SLCO6A1: variants seen among roughly 807,000 people sequenced by gnomAD.
The protein encoded by SLCO6A1 is cancer/testis antigen 48.
In SLCO6A1, 65 loss-of-function variants were observed where a neutral mutation model predicts 72.7. The observed-to-expected ratio is 0.89, with a 90% CI of 0.73 to 1.10. The LOEUF is 1.10. Ranked by LOEUF, SLCO6A1 falls within the 50% of genes least tolerant of loss-of-function variation. The probability of loss-of-function intolerance (pLI) is 0.00; values close to 1 mark genes in which losing one functional copy is unlikely to be tolerated. For missense variants in SLCO6A1, 874 were observed against 872.6 expected (o/e 1.00, Z -0.02); for synonymous variants, 314 against 298.2 (o/e 1.05, Z -0.55).
At position 102,390,919 on chromosome 5, in the gene SLCO6A1, G is replaced by A. The variant is rs537588153; in HGVS notation, c.1879+62C>T. The A allele has an allele frequency of 5.4e-5, 72 of 1,323,732 alleles. No homozygotes were observed. In the African/African-American group the frequency reaches 8.9e-4, roughly 16 times the overall value. The allele number at this position is 1,323,732 out of a possible 1,614,324, so 82.0% of individuals were successfully genotyped here. On this transcript the variant is annotated intron_variant, in intron 11 of 13. Transcript: ENST00000506729. ...TTTATTTGTAATACTAAATACACAT[G>A]TAGACATATATACATATCAAAAAAC...
chr5:102,420,112 C>G (rs1748511863), intron 7 of SLCO6A1, 91 bp from the exon 8 acceptor site: 1 of 1,047,364 alleles, frequency 9.5e-7, no homozygotes, highest in Non-Finnish European at 1.3e-6. Flanking sequence ...TTGCTCTAAA[C>G]ATATAGCAAA....
chr5:102,451,548 A>T (rs1750419257), intron 6 of SLCO6A1, among the ~76,000 whole-genome samples: 1 of 152,126 alleles, frequency 6.6e-6, no homozygotes, highest in Non-Finnish European at 1.5e-5. Flanking sequence ...GCAGCTCTTC[A>T]TGTCATTCTG....
intron 1 of SLCO6A1, among the ~76,000 whole-genome samples, chr5:102,481,272 A>G (rs901581523): frequency 6.6e-6 from 1 of 151,994 alleles, no homozygotes; most frequent in African/African-American, 2.4e-5. Flanking sequence ...CAGTCTTCCT[A>G]TGACAGGGAG....
At chr5:102,497,325 G>A (rs965106204) in intron 1 of SLCO6A1, among the ~76,000 whole-genome samples, 1 of 152,230 alleles carries the variant, frequency 6.6e-6, no homozygotes, top group Non-Finnish European at 1.5e-5. Flanking sequence ...GAGCCAGAAT[G>A]TCGCAAATTT....
rs554950559 is a variant in SLCO6A1, at chr5:102,463,139, A to G, written c.900-3362T>C. On this transcript the variant is annotated intron_variant, in intron 4 of 13. Transcript: ENST00000506729. Reference sequence around the variant, plus strand: ...CAATAGACAACTCTCAAAAGAAGATATACAATGCCCAATAAACATATGAAA... The same window carrying G: ...CAATAGACAACTCTCAAAAGAAGATGTACAATGCCCAATAAACATATGAAA... Among the ~76,000 whole-genome samples the G allele has an allele frequency of 8.0e-5, 7 of 87,812 alleles. No homozygotes were observed. The East Asian group carries it at 1.8e-3, about 22-fold the overall frequency. 57.6% of individuals were successfully genotyped at this position (87,812 alleles called of 152,430 possible).
At chr5:102,419,778 T>C in intron 8 of SLCO6A1, 48 bp downstream of exon 8, 1 of 1,416,878 alleles carries the variant, frequency 7.1e-7, no homozygotes, top group South Asian at 1.3e-5. Flanking sequence ...CTGAGGAATA[T>C]GCTGTAGGAT....
chr5:102,377,369 T>C (rs1745857242), intron 12 of SLCO6A1, among the ~76,000 whole-genome samples: 1 of 152,046 alleles, frequency 6.6e-6, no homozygotes, highest in Non-Finnish European at 1.5e-5. Context: ...TTAAGCAAGA[T>C]ACACACGTAG....
chr5:102,430,966 T>A (rs2112654094), intron 7 of SLCO6A1, among the ~76,000 whole-genome samples: 1 of 152,234 alleles, frequency 6.6e-6, no homozygotes, highest in South Asian at 2.1e-4. Context: ...CTATTTCAGT[T>A]TTGGAGCTCA....
chr5:102,455,502 C>G (rs1325236059), intron 6 of SLCO6A1, among the ~76,000 whole-genome samples: 1 of 151,906 alleles, frequency 6.6e-6, no homozygotes, highest in Admixed American at 6.6e-5. Flanking sequence ...TATTGTAGAC[C>G]TTGTTTCACT....
chr5:102,452,713 C>G (rs1164647481), intron 6 of SLCO6A1, among the ~76,000 whole-genome samples: 1 of 152,096 alleles, frequency 6.6e-6, no homozygotes, highest in Non-Finnish European at 1.5e-5. Flanking sequence ...CGAAAAATAG[C>G]TAGTTTTTTG....
At chr5:102,476,731 ATATCT>A (rs1276534461) in intron 3 of SLCO6A1, among the ~76,000 whole-genome samples, 1 of 152,026 alleles carries the variant, frequency 6.6e-6, no homozygotes, top group Non-Finnish European at 1.5e-5. Context: ...GAAATTAAAA[ATATCT>A]TATTTTATTT....
rs1056421349 is a variant in SLCO6A1 at position 102,420,137 on chromosome 5, A to G, written c.1277-116T>C. 3 of 878,618 alleles carry G rather than the reference A, an allele frequency of 3.4e-6. No individual in the cohort carries two copies. In the African/African-American group the frequency reaches 5.3e-5, roughly 16 times the overall value. The allele number at this position is 878,618 out of a possible 1,614,324, so 54.4% of individuals were successfully genotyped here. On this transcript the variant is annotated intron_variant, in intron 7 of 13. Coordinates refer to ENST00000506729, the MANE Select transcript of SLCO6A1 (RefSeq NM_173488.5). The stretch of plus-strand genomic sequence containing the variant: ...CATATAGCAAACATGTATTTAAACT[A>G]AAAGACAGAAAATGTACAGTTATGC...
At chr5:102,459,946 G>A (rs1286966709) in intron 4 of SLCO6A1, among the ~76,000 whole-genome samples, 169 bp from the exon 5 acceptor site, 1 of 152,028 alleles carries the variant, frequency 6.6e-6, no homozygotes, top group African/African-American at 2.4e-5. Flanking sequence ...TTGTTGAGTG[G>A]GAATAATTGT....
In SLCO6A1 at chr5:102,389,446, C is replaced by T. The variant is rs1462479508; in HGVS notation, c.1880-621G>A. 1.1e-4 allele frequency among the ~76,000 whole-genome samples: 5 copies of T among 43,926 alleles called. 1 individual carries two copies. In the East Asian group the frequency reaches 2.8e-3, roughly 25 times the overall value. 28.8% of individuals were successfully genotyped at this position (43,926 alleles called of 152,430 possible). On this transcript the variant is annotated intron_variant, in intron 11 of 13. Transcript: ENST00000506729. ...AGTGAGTGAACAGTCACACACCCCG[C>T]CCCCCACCCCCACACACACAGAGTT...
At chr5:102,429,503 G>T (rs1464593598) in intron 7 of SLCO6A1, among the ~76,000 whole-genome samples, 1 of 152,196 alleles carries the variant, frequency 6.6e-6, no homozygotes, top group Non-Finnish European at 1.5e-5. Context: ...AGAGAGTCCA[G>T]TTTCAACCTT....
chr5:102,468,575 T>G (rs1207534891), intron 4 of SLCO6A1, among the ~76,000 whole-genome samples: 1 of 152,090 alleles, frequency 6.6e-6, no homozygotes, highest in Non-Finnish European at 1.5e-5. Flanking sequence ...CTTTTTATCA[T>G]TTTATAATAT....
At chr5:102,395,046 T>C (rs1313813653) in intron 10 of SLCO6A1, among the ~76,000 whole-genome samples, 1 of 152,180 alleles carries the variant, frequency 6.6e-6, no homozygotes, top group Non-Finnish European at 1.5e-5. Flanking sequence ...TAAAAAAATT[T>C]GTTTTTATTA....
At chr5:102,411,120 G>A (rs1370186812) in intron 9 of SLCO6A1, among the ~76,000 whole-genome samples, 1 of 152,136 alleles carries the variant, frequency 6.6e-6, no homozygotes, top group Non-Finnish European at 1.5e-5. Context: ...CTACATAGGG[G>A]AAGGTTCTCT....
At chr5:102,415,895 A>G (rs919250808) in intron 8 of SLCO6A1, among the ~76,000 whole-genome samples, 3 of 152,132 alleles carry the variant, frequency 2.0e-5, no homozygotes, top group Non-Finnish European at 4.4e-5. Flanking sequence ...AAGGGGGCAA[A>G]TGACATGAAT....
Sources: allele counts gnomAD v4.1 joint callset (sites outside exome capture counted in the v4.1 genomes callset), GRCh38; gene constraint gnomAD v4.1.1; transcripts MANE v1.5; gene names NCBI Gene and HGNC (gene_info 2026-07-23, HGNC 2026-07-21).